ENPP6: variants seen among roughly 807,000 people sequenced by gnomAD.
The protein encoded by ENPP6 is ectonucleotide pyrophosphatase/phosphodiesterase 6.
Under a neutral mutation model 42.0 loss-of-function variants are expected in ENPP6, and 32 were observed. The ratio of observed to expected loss-of-function variants is 0.76; its 90% CI spans 0.58 to 1.02. ENPP6 has a LOEUF of 1.02. ENPP6 is among the 50% of genes least tolerant of loss of function. ENPP6 has a pLI of 0.00. For missense variants in ENPP6, 552 were observed against 566.8 expected (o/e 0.97, Z 0.27); for synonymous variants, 213 against 216.0 (o/e 0.99, Z 0.12).
intron 6 of ENPP6, among the ~76,000 whole-genome samples, chr4:184,107,685 G>A (rs1560979897): frequency 6.6e-6 from 1 of 152,232 alleles, no homozygotes. Context: ...GGAGGCTGAG[G>A]TGGGCGGATC....
Position 184,153,661 on chromosome 4 carries a change from A to G in ENPP6, c.314T>C (p.Ile105Thr), listed in dbSNP as rs1363187098. 4 of 1,614,142 alleles carry G rather than the reference A, an allele frequency of 2.5e-6. No homozygotes were observed. Among genetic ancestry groups the G allele is most frequent in the South Asian group, 1.1e-5 (1 of 91,080 alleles). ...WDPTTNKSFD[I>T]GVNKDSLMPL... ...CATTAGGCTGTCTTTGTTGACGCCA[A>G]TGTCAAAGGACTTGTTGGTGGTGGG... Residue 105 changes from isoleucine (I) to threonine (T), a missense_variant, in exon 2 of 8, where the codon ATT (isoleucine) becomes ACT (threonine). Physicochemically the swap from Ile to Thr is moderately conservative, Grantham distance 89. Around this residue, in one of 2 missense-constraint regions of ENPP6, gnomAD observed 545 missense variants for 546.3 expected, o/e 1.00. Transcript: ENST00000296741.
intron 7 of ENPP6, among the ~76,000 whole-genome samples, chr4:184,095,191 G>C (rs563951819): frequency 6.6e-6 from 1 of 152,308 alleles, no homozygotes; most frequent in Non-Finnish European, 1.5e-5. Context: ...TTCATCAGGG[G>C]TCATCTATCT....
intron 2 of ENPP6, among the ~76,000 whole-genome samples, chr4:184,131,169 C>CTTTCTTTCTTTCT (rs1736608921): frequency 1.7e-5 from 1 of 57,408 alleles, no homozygotes; most frequent in African/African-American, 8.0e-5. Context: ...TTCTTTCTTT[C>CTTTCTTTCTTTCT]TTTCTTTCTT....
intron 2 of ENPP6, among the ~76,000 whole-genome samples, chr4:184,138,062 G>T (rs1383708926): frequency 6.6e-6 from 1 of 152,178 alleles, no homozygotes; most frequent in Non-Finnish European, 1.5e-5. Flanking sequence ...AAACATAAAA[G>T]GTTACAATTT....
chr4:184,158,346 C>T (rs185277372), intron 1 of ENPP6, among the ~76,000 whole-genome samples: 3 of 151,984 alleles, frequency 2.0e-5, no homozygotes, highest in East Asian at 1.9e-4. Context: ...ATGGCAGTGT[C>T]GAACCACAAA....
chr4:184,198,400 C>T (rs1290487704), intron 1 of ENPP6, among the ~76,000 whole-genome samples: 6 of 152,178 alleles, frequency 3.9e-5, no homozygotes, highest in Non-Finnish European at 5.9e-5. Context: ...GACCCACCTG[C>T]GAAATGGGAG....
intron 6 of ENPP6, among the ~76,000 whole-genome samples, chr4:184,106,037 GTTGT>G (rs1736084692): frequency 1.6e-5 from 1 of 61,056 alleles, no homozygotes; most frequent in Non-Finnish European, 3.1e-5. Flanking sequence ...AAAATACCAA[GTTGT>G]TTTTTTTTTT....
chr4:184,126,460 C>G (rs1295098189), intron 2 of ENPP6, among the ~76,000 whole-genome samples: 1 of 152,108 alleles, frequency 6.6e-6, no homozygotes, highest in African/African-American at 2.4e-5. Flanking sequence ...TTAATTTAAA[C>G]AAACATCATG....
In ENPP6 at chr4:184,184,554, A is replaced by C. The variant is rs1732600797; in HGVS notation, c.242-30821T>G. Among the ~76,000 whole-genome samples the C allele has an allele frequency of 6.6e-6, 1 of 152,242 alleles. No homozygotes were observed. Among genetic ancestry groups the C allele is most frequent in the Non-Finnish European group, 1.5e-5 (1 of 68,044 alleles). On this transcript the variant is annotated intron_variant, in intron 1 of 7. Coordinates refer to ENST00000296741, the MANE Select transcript of ENPP6 (RefSeq NM_153343.4). This position sits in a 1 kb window ranked among gnomAD's most constrained non-coding sequence, Gnocchi z 4.7. ...GTGGCTCCACAACCTGTGTCTACCC[A>C]GAACCTGCGGAAGTGACCTCATTTG...
At chr4:184,156,687 T>C (rs748891040) in intron 1 of ENPP6, among the ~76,000 whole-genome samples, 2 of 152,212 alleles carry the variant, frequency 1.3e-5, no homozygotes, top group Non-Finnish European at 2.9e-5. Flanking sequence ...ATGACTACTC[T>C]GGGGGCTTTG....
intron 2 of ENPP6, among the ~76,000 whole-genome samples, chr4:184,147,758 A>C (rs1411918229): frequency 1.3e-5 from 2 of 150,750 alleles, no homozygotes; most frequent in Non-Finnish European, 2.9e-5. Flanking sequence ...CTATGATTGC[A>C]CCAATGCACT....
At chr4:184,147,733 C>T (rs944111184) in intron 2 of ENPP6, among the ~76,000 whole-genome samples, 8 of 150,642 alleles carry the variant, frequency 5.3e-5, no homozygotes, top group Admixed American at 1.3e-4. Flanking sequence ...CCCAGGAGGT[C>T]GAGGCTGCAG....
intron 2 of ENPP6, among the ~76,000 whole-genome samples, chr4:184,131,235 C>T (rs200673708): frequency 0.015 from 125 of 8,582 alleles, 4 homozygotes; most frequent in South Asian, 0.082. Flanking sequence ...TCTTTCTTTC[C>T]TTTTCTTTCT....
At chr4:184,098,343 C>T (rs1344000039) in intron 6 of ENPP6, among the ~76,000 whole-genome samples, 2 of 152,194 alleles carry the variant, frequency 1.3e-5, no homozygotes, top group East Asian at 1.9e-4. Flanking sequence ...AGCATTGAAC[C>T]GAATGGCGGG....
chr4:184,169,914 C>T (rs1429920587), intron 1 of ENPP6, among the ~76,000 whole-genome samples: 1 of 152,216 alleles, frequency 6.6e-6, no homozygotes, highest in African/African-American at 2.4e-5. Flanking sequence ...CCTGTGTCTT[C>T]CTCCCCACAC....
At chr4:184,135,137 A>G (rs6825587) in intron 2 of ENPP6, among the ~76,000 whole-genome samples, 97,206 of 151,960 alleles carry the variant, frequency 0.64, 31,418 homozygotes, top group Non-Finnish European at 0.68. Context: ...TTTGATAAAT[A>G]TTTCATGTAT....
In ENPP6 at chr4:184,097,264, G is replaced by T. The variant is rs780996859; in HGVS notation, c.1098C>A (p.Ile366=). Residue 366 remains isoleucine (I), a synonymous_variant, in exon 7 of 8, where the codon ATC becomes ATA. Transcript: ENST00000296741. The stretch of plus-strand genomic sequence containing the variant: ...GCCTACCAGGTCCGAAGGCCAGGAA[G>T]ATGCCCCGCATGTCCATGAGCTCGT... ...YDNELMDMRG[I]FLAFGPDFKS... The T allele has an allele frequency of 4.3e-6, 7 of 1,614,092 alleles. No homozygotes were observed. Among genetic ancestry groups the T allele is most frequent in the Non-Finnish European group, 5.9e-6 (7 of 1,180,042 alleles).
rs575851730 is a variant in ENPP6, at chr4:184,124,167, G to T, written c.527C>A (p.Ser176Tyr). 5 of 1,612,924 alleles carry T rather than the reference G, an allele frequency of 3.1e-6. No homozygotes were observed. The South Asian group carries it at 5.5e-5, about 18-fold the overall frequency. Residue 176 changes from serine to tyrosine, a missense_variant, in exon 3 of 8, where the codon TCC (serine) becomes TAC (tyrosine). Physicochemically the swap from Ser to Tyr is moderately radical, Grantham distance 144. Coordinates refer to ENST00000296741, the MANE Select transcript of ENPP6 (RefSeq NM_153343.4). The stretch of plus-strand genomic sequence containing the variant: ...TAGAGTTTGGGACACTTACTTGAAG[G>T]AGTCAAGAGCATCGCTGACTGCATT... The part of the protein sequence containing the change: ...FANAVSDALD[S>Y]FKSGRADLAA...
chr4:184,138,513 T>TA (rs148955686), intron 2 of ENPP6, among the ~76,000 whole-genome samples: 5,134 of 152,358 alleles, frequency 0.034, 268 homozygotes, highest in African/African-American at 0.11. Context: ...TGTCTGGTGC[T>TA]AAGGCATTTA....
Sources: gnomAD v4.1 joint callset for allele counts (sites outside exome capture counted in the v4.1 genomes callset) on GRCh38, gnomAD v4.1.1 for gene constraint, gnomAD v4.1.1 regional missense constraint, Gnocchi (gnomAD v3.1) non-coding constraint, MANE v1.5 for transcripts, NCBI Gene and HGNC (gene_info 2026-07-23, HGNC 2026-07-21) for gene names.